ACSL5: variants seen among roughly 807,000 people sequenced by gnomAD.
The protein encoded by ACSL5 is acyl-CoA synthetase long chain family member 5.
Under a neutral mutation model 84.9 loss-of-function variants are expected in ACSL5, and 50 were observed. That is an observed-to-expected ratio of 0.59 (90% CI 0.47 to 0.75). ACSL5 has a LOEUF of 0.75. ACSL5 is among the 30% of genes least tolerant of loss of function. The probability of loss-of-function intolerance (pLI) is 0.00; values close to 1 mark genes in which losing one functional copy is unlikely to be tolerated. For synonymous variants in ACSL5, 280 were observed against 300.7 expected, an observed-to-expected ratio of 0.93 and a Z score of 0.71; for missense variants, 775 against 830.4, an observed-to-expected ratio of 0.93 and a Z score of 0.82.
intron 10 of ACSL5, 31 bp downstream of exon 10, chr10:112,411,560 T>C: frequency 6.3e-7 from 1 of 1,584,584 alleles, no homozygotes; most frequent in South Asian, 1.1e-5. Flanking sequence ...GAGGCTCTCA[T>C]TAAAATGTGA....
intron 1 of ACSL5, among the ~76,000 whole-genome samples, chr10:112,382,070 C>T (rs1849362005): frequency 6.6e-6 from 1 of 152,196 alleles, no homozygotes; most frequent in South Asian, 2.1e-4. Context: ...TTATCTTCTA[C>T]TGGACCAGAA....
chr10:112,425,152 C>T, intron 17 of ACSL5, 186 bp from the exon 18 acceptor site: 1 of 490,462 alleles, frequency 2.0e-6, no homozygotes. Context: ...ACAGTAAAGA[C>T]AGGTTCTTGC....
rs374581864 is a variant in ACSL5 at position 112,421,218 on chromosome 10, G to C, written c.1315-375G>C. Among the ~76,000 whole-genome samples, 38 of 152,306 alleles carry C rather than the reference G, an allele frequency of 2.5e-4. No individual in the cohort carries two copies. The East Asian group carries it at 6.4e-3, about 26-fold the overall frequency. On this transcript the variant is annotated intron_variant, in intron 14 of 20. Coordinates refer to ENST00000354655, the MANE Select transcript of ACSL5 (RefSeq NM_203379.2). ...CTGTCACCCAGGCTGGAGTACAATG[G>C]CGTGATTTCAGCTCACTGCAACCTC... is the stretch of plus-strand genomic sequence containing the variant.
intron 1 of ACSL5, among the ~76,000 whole-genome samples, chr10:112,388,605 ATGGTGGGGGCATCAGAGAC>A (rs1849499516): frequency 6.6e-6 from 1 of 152,194 alleles, no homozygotes; most frequent in African/African-American, 2.4e-5. Flanking sequence ...TGTGCCAGGC[ATGGTGGGGGCATCAGAGAC>A]ACAGCAGTAA....
chr10:112,413,425 C>T lies in ACSL5; in HGVS notation c.1083+118C>T, dbSNP rs139609908. 7.1e-5 allele frequency: 92 copies of T among 1,295,428 alleles called. No homozygotes were observed. The African/African-American group carries it at 9.7e-4, about 14-fold the overall frequency. The allele number at this position is 1,295,428 out of a possible 1,614,324, so 80.2% of individuals were successfully genotyped here. ...CCCTCTACAAGTATCTACGTAAAGCCGTGTGTAAATACAATCCCCGCCAGG... is the reference window on the plus strand; with the variant it reads ...CCCTCTACAAGTATCTACGTAAAGCTGTGTGTAAATACAATCCCCGCCAGG... On this transcript the variant is annotated intron_variant, in intron 12 of 20. Coordinates refer to ENST00000354655, the MANE Select transcript of ACSL5 (RefSeq NM_203379.2).
At chr10:112,412,114 T>C in intron 11 of ACSL5, 135 bp downstream of exon 11, 2 of 871,280 alleles carry the variant, frequency 2.3e-6, no homozygotes, top group Non-Finnish European at 3.7e-6. Flanking sequence ...AGTTGGCTCA[T>C]GGGAGCCCTA....
intron 13 of ACSL5, 56 bp from the exon 14 acceptor site, chr10:112,417,790 A>G (rs1197997015): frequency 4.2e-6 from 6 of 1,426,776 alleles, no homozygotes; most frequent in Non-Finnish European, 5.9e-6. Flanking sequence ...TCTACAGTGG[A>G]GGAAATTGAA....
At chr10:112,376,432 T>G (rs759966200) in intron 1 of ACSL5, 2 of 1,613,890 alleles carry the variant, frequency 1.2e-6, no homozygotes, top group East Asian at 4.5e-5. Context: ...CACTGAGAGA[T>G]GCGGCCCCCT....
At chr10:112,404,381 C>T (rs911739672) in intron 3 of ACSL5, 130 bp from the exon 4 acceptor site, 4 of 669,460 alleles carry the variant, frequency 6.0e-6, no homozygotes, top group Non-Finnish European at 1.0e-5. Flanking sequence ...ATTTCCTGGA[C>T]ATATAATAGA....
intron 1 of ACSL5, among the ~76,000 whole-genome samples, chr10:112,387,624 C>T (rs1024125307): frequency 3.3e-5 from 5 of 152,136 alleles, no homozygotes; most frequent in Non-Finnish European, 1.5e-5. Context: ...CACACAGTTC[C>T]CTTTGGAGTC....
At chr10:112,417,123 T>C (rs1243765021) in intron 13 of ACSL5, 101 bp downstream of exon 13, 2 of 1,351,080 alleles carry the variant, frequency 1.5e-6, no homozygotes, top group Non-Finnish European at 2.0e-6. Flanking sequence ...TCACTTTAAC[T>C]AGAGATCCTT....
intron 1 of ACSL5, among the ~76,000 whole-genome samples, chr10:112,387,446 A>G (rs1179458089): frequency 6.6e-6 from 1 of 152,102 alleles, no homozygotes; most frequent in Non-Finnish European, 1.5e-5. Context: ...GCCTTTTGTC[A>G]TTACTTTTGG....
chr10:112,397,494 C>T (rs1192940651), intron 2 of ACSL5, among the ~76,000 whole-genome samples: 5 of 152,160 alleles, frequency 3.3e-5, no homozygotes, highest in South Asian at 2.1e-4. Flanking sequence ...TTCTTGAATA[C>T]GCCGTCCTCT....
chr10:112,410,103 CAT>C, intron 7 of ACSL5: 1 of 679,104 alleles, frequency 1.5e-6, no homozygotes, highest in Non-Finnish European at 1.8e-6. Context: ...TAGCTTAATT[CAT>C]ATATGTAGAT....
chr10:112,391,877 C>T (rs1843649426), intron 1 of ACSL5, among the ~76,000 whole-genome samples: 1 of 152,122 alleles, frequency 6.6e-6, no homozygotes, highest in Non-Finnish European at 1.5e-5. Context: ...CAGGTGCCCC[C>T]TTGAGACGCC....
At chr10:112,402,504 T>C (rs1843932571) in intron 3 of ACSL5, among the ~76,000 whole-genome samples, 1 of 152,204 alleles carries the variant, frequency 6.6e-6, no homozygotes, top group Admixed American at 6.5e-5. Context: ...GGGGAGCAAG[T>C]GGCTTCCACT....
Position 112,421,602 on chromosome 10 carries a change from G to A in ACSL5, c.1324G>A (p.Ala442Thr). 1 of 1,614,138 alleles carries A rather than the reference G, an allele frequency of 6.2e-7. No homozygotes were observed. The highest frequency in any genetic ancestry group is 8.5e-7 in the Non-Finnish European group (1 of 1,179,968). ...TTCTTTGGTTTCCCAGGTGTATGAA[G>A]CTTATGGTCAAACAGAATGCACAGG... ...RAAMGCQVYE[A>T]YGQTECTGGC... is the part of the protein sequence containing the mutation. The change falls in exon 15 of 21, where the codon GCT becomes ACT. Residue 442 changes from alanine (A) to threonine (T), a missense_variant. By Grantham distance (58) the Ala-to-Thr change is moderately conservative. Transcript: ENST00000354655.
chr10:112,380,129 AT>A (rs1352605245), intron 1 of ACSL5, among the ~76,000 whole-genome samples: 1 of 152,052 alleles, frequency 6.6e-6, no homozygotes, highest in Non-Finnish European at 1.5e-5. Flanking sequence ...CGGGGTCGGG[AT>A]TTGGACTGTG....
chr10:112,401,227 A>G (rs529012912), intron 3 of ACSL5, among the ~76,000 whole-genome samples: 1 of 152,292 alleles, frequency 6.6e-6, no homozygotes, highest in East Asian at 1.9e-4. Flanking sequence ...AAAAAATAAA[A>G]AAAGAAAAAT....
Sources: gnomAD v4.1 joint callset for allele counts (sites outside exome capture counted in the v4.1 genomes callset) on GRCh38, gnomAD v4.1.1 for gene constraint, MANE v1.5 for transcripts, NCBI Gene and HGNC (gene_info 2026-07-23, HGNC 2026-07-21) for gene names.